The following ROBO1 variants were observed in gnomAD, a reference collection of about 807,000 sequenced individuals.
The protein encoded by ROBO1 is roundabout guidance receptor 1.
Under a neutral mutation model 195.9 loss-of-function variants are expected in ROBO1, and 149 were observed. The observed-to-expected ratio is 0.76, with a 90% CI of 0.67 to 0.87. ROBO1 has a LOEUF of 0.87. ROBO1 is among the 40% of genes least tolerant of loss of function. The pLI is 0.00. For synonymous variants in ROBO1, 816 were observed against 733.2 expected (o/e 1.11, Z -1.82); for missense variants, 1,933 against 2,068.3 (o/e 0.93, Z 1.27).
chr3:79,389,354 T>A (rs1015950487), intron 2 of ROBO1, among the ~76,000 whole-genome samples: 1 of 152,136 alleles, frequency 6.6e-6, no homozygotes, highest in Non-Finnish European at 1.5e-5. Context: ...TAAACTTCAC[T>A]TGGTAGGTTT....
chr3:79,715,679 C>A (rs549185767), intron 1 of ROBO1, among the ~76,000 whole-genome samples: 1 of 151,978 alleles, frequency 6.6e-6, no homozygotes, highest in African/African-American at 2.4e-5. Flanking sequence ...TGTCTGTTTG[C>A]AGTGTTGAAA....
chr3:78,783,448 AT>A (rs2083741341), intron 4 of ROBO1, among the ~76,000 whole-genome samples: 1 of 152,200 alleles, frequency 6.6e-6, no homozygotes, highest in African/African-American at 2.4e-5. Context: ...TTCTAATAAG[AT>A]GAATTCACTA....
At chr3:79,314,238 T>TA (rs1175534609) in intron 2 of ROBO1, among the ~76,000 whole-genome samples, 7 of 152,268 alleles carry the variant, frequency 4.6e-5, no homozygotes, top group African/African-American at 1.2e-4. Context: ...AAATTTCCAA[T>TA]AAAAAACCTG....
chr3:79,203,345 C>T (rs970634801), intron 2 of ROBO1, among the ~76,000 whole-genome samples: 1 of 152,150 alleles, frequency 6.6e-6, no homozygotes, highest in African/African-American at 2.4e-5. Context: ...GGCAACAGCC[C>T]TGAATCATTA....
chr3:79,634,764 T>C (rs1391082735), intron 1 of ROBO1, among the ~76,000 whole-genome samples: 2 of 152,186 alleles, frequency 1.3e-5, no homozygotes, highest in Admixed American at 1.3e-4. Context: ...TCCTGTGCAT[T>C]ATATTACTTA....
intron 4 of ROBO1, among the ~76,000 whole-genome samples, chr3:78,878,197 C>A (rs573982640): frequency 3.3e-3 from 503 of 152,232 alleles, no homozygotes; most frequent in Non-Finnish European, 4.6e-3. Context: ...TACTCCCAAA[C>A]CCACCTTCCA....
At chr3:79,321,797 A>G (rs1031313187) in intron 2 of ROBO1, among the ~76,000 whole-genome samples, 1 of 152,212 alleles carries the variant, frequency 6.6e-6, no homozygotes, top group Non-Finnish European at 1.5e-5. Flanking sequence ...TCTCCTTAAA[A>G]TGCATGGGTC....
intron 2 of ROBO1, among the ~76,000 whole-genome samples, chr3:79,481,980 T>C (rs1938887583): frequency 6.6e-6 from 1 of 152,212 alleles, no homozygotes; most frequent in Non-Finnish European, 1.5e-5. Context: ...TGCTTTTTCC[T>C]ACTATTGCCT....
At chr3:79,498,176 T>G (rs1408907547) in intron 2 of ROBO1, among the ~76,000 whole-genome samples, 2 of 151,958 alleles carry the variant, frequency 1.3e-5, no homozygotes, top group Non-Finnish European at 2.9e-5. Flanking sequence ...TCAAAAGCAT[T>G]TTTGTCATCT....
intron 2 of ROBO1, among the ~76,000 whole-genome samples, chr3:79,245,716 C>T (rs188047495): frequency 6.6e-5 from 10 of 151,860 alleles, no homozygotes; most frequent in Non-Finnish European, 1.5e-4. Flanking sequence ...AGGAAAACTG[C>T]CTGTTCCTTT....
At chr3:78,821,160 GA>G (rs1171182900) in intron 4 of ROBO1, among the ~76,000 whole-genome samples, 6 of 142,718 alleles carry the variant, frequency 4.2e-5, no homozygotes, top group Non-Finnish European at 9.1e-5. Flanking sequence ...TTATGATACT[GA>G]TTTTTTTTTT....
intron 2 of ROBO1, among the ~76,000 whole-genome samples, chr3:79,328,072 C>CA (rs2034287674): frequency 6.6e-6 from 1 of 151,984 alleles, no homozygotes; most frequent in Admixed American, 6.6e-5. Context: ...TAAAATATGA[C>CA]ATTAATTAAA....
intron 2 of ROBO1, among the ~76,000 whole-genome samples, chr3:79,172,492 C>T (rs1341021814): frequency 6.6e-6 from 1 of 152,184 alleles, no homozygotes; most frequent in Non-Finnish European, 1.5e-5. Flanking sequence ...GCACACTTCA[C>T]AGGGACAGTT....
At chr3:79,525,468 G>T (rs1352223592) in intron 2 of ROBO1, among the ~76,000 whole-genome samples, 1 of 146,400 alleles carries the variant, frequency 6.8e-6, no homozygotes, top group Non-Finnish European at 1.5e-5. Context: ...TTTTCTATGT[G>T]GATAATTTTA....
At chr3:79,159,829 G>A (rs528452710) in intron 2 of ROBO1, among the ~76,000 whole-genome samples, 12 of 152,148 alleles carry the variant, frequency 7.9e-5, no homozygotes, top group South Asian at 2.1e-4. Flanking sequence ...GCCACAGTGA[G>A]AAGTTCACAG....
intron 29 of ROBO1, among the ~76,000 whole-genome samples, chr3:78,602,985 TACA>T (rs1462205392): frequency 6.6e-6 from 1 of 152,206 alleles, no homozygotes; most frequent in Non-Finnish European, 1.5e-5. Flanking sequence ...TGGTCCAACA[TACA>T]ACAAGTAAGT....
At chr3:79,590,348 T>C (rs1943960171) in intron 1 of ROBO1, among the ~76,000 whole-genome samples, 1 of 151,754 alleles carries the variant, frequency 6.6e-6, no homozygotes, top group African/African-American at 2.4e-5. Flanking sequence ...CAATTTATAA[T>C]GAGTCAAGCA....
chr3:79,300,053 C>T lies in ROBO1; in HGVS notation c.89-174514G>A, dbSNP rs979674895. Reference sequence around the variant, plus strand: ...AATATGTAGTACTGAGAGGTGACAGCGTGCTGGCAGCCCTCAGCCCTCGCT... The same window carrying T: ...AATATGTAGTACTGAGAGGTGACAGTGTGCTGGCAGCCCTCAGCCCTCGCT... On this transcript the variant is annotated intron_variant, in intron 2 of 30. Transcript: ENST00000464233. 7.2e-5 allele frequency among the ~76,000 whole-genome samples: 11 copies of T among 152,226 alleles called. No homozygotes were observed. The East Asian group carries it at 1.5e-3, about 21-fold the overall frequency.
intron 4 of ROBO1, among the ~76,000 whole-genome samples, chr3:78,899,739 C>T (rs1157462095): frequency 6.6e-6 from 1 of 152,016 alleles, no homozygotes; most frequent in African/African-American, 2.4e-5. Context: ...ATCACTATTT[C>T]TCTCATTTTC....
Sources: allele counts gnomAD v4.1 joint callset (sites outside exome capture counted in the v4.1 genomes callset), GRCh38; gene constraint gnomAD v4.1.1; transcripts MANE v1.5; gene names NCBI Gene and HGNC (gene_info 2026-07-23, HGNC 2026-07-21).